Variants in DNAH11 observed in about 807,000 individuals in gnomAD.
The protein encoded by DNAH11 is axonemal beta dynein heavy chain 11.
Under a neutral mutation model 526.0 loss-of-function variants are expected in DNAH11, and 442 were observed. The ratio of observed to expected loss-of-function variants is 0.84; its 90% confidence interval spans 0.78 to 0.91. DNAH11 has a LOEUF of 0.91. Ranked by LOEUF, DNAH11 falls within the 40% of genes least tolerant of loss-of-function variation. The pLI, the probability that DNAH11 is intolerant of heterozygous loss-of-function variation, is 0.00. For synonymous variants in DNAH11, 2,461 were observed against 1,935.9 expected (o/e 1.27, Z -7.12); for missense variants, 6,989 against 5,448.7 (o/e 1.28, Z -8.90).
At chr7:21,795,717 C>T (rs764517777) in intron 61 of DNAH11, among the ~76,000 whole-genome samples, 2 of 152,230 alleles carry the variant, frequency 1.3e-5, no homozygotes, top group African/African-American at 4.8e-5. Flanking sequence ...ACAGAAGGCT[C>T]AGTCCCTGCC....
At position 21,638,790 on chromosome 7, in the gene DNAH11, A is replaced by T. The variant is rs1786986361; in HGVS notation, c.4818-149A>T. The stretch of plus-strand genomic sequence containing the variant: ...TGTATATTAGTCATAAGCAAGATAG[A>T]TGATGGTGTAAAAAAGAAGGAAGTA... On this transcript the variant is annotated intron_variant, in intron 27 of 81. Coordinates refer to ENST00000409508, the MANE Select transcript of DNAH11 (RefSeq NM_001277115.2). The T allele has an allele frequency of 4.7e-6, 4 of 859,718 alleles. No individual in the cohort carries two copies. In the Admixed American group the frequency reaches 9.9e-5, roughly 21 times the overall value. The allele number at this position is 859,718 out of a possible 1,614,324, so 53.3% of individuals were successfully genotyped here.
intron 66 of DNAH11, among the ~76,000 whole-genome samples, chr7:21,852,118 T>C (rs1453482035): frequency 6.6e-6 from 1 of 152,088 alleles, no homozygotes; most frequent in Non-Finnish European, 1.5e-5. Context: ...TAAAAACATT[T>C]ACTTGTCCAG....
intron 30 of DNAH11, among the ~76,000 whole-genome samples, chr7:21,678,386 C>A (rs1229808310): frequency 6.6e-6 from 1 of 151,988 alleles, no homozygotes; most frequent in Non-Finnish European, 1.5e-5. Flanking sequence ...TATTTTTTAA[C>A]TCTCTATTCT....
chr7:21,789,876 C>CTCTCTCCTTCCTTCCT, intron 61 of DNAH11, among the ~76,000 whole-genome samples: 2 of 129,316 alleles, frequency 1.5e-5, no homozygotes, highest in African/African-American at 6.2e-5. Context: ...CCTTTTCTTT[C>CTCTCTCCTTCCTTCCT]TTTCTTTCTT....
In DNAH11 at chr7:21,748,720, G is replaced by C; in HGVS notation, c.8651G>C (p.Gly2884Ala). ...GTCTTTCAGATCACTCTGACCGAGG[G>C]CTATGGAATCCAGGAACTTCGGGTG... ...LEVFQITLTE[G>A]YGIQELRVDL... The change falls in exon 52 of 82, where the codon GGC (glycine) becomes GCC (alanine). Residue 2884 changes from glycine (G) to alanine (A), a missense_variant. By Grantham distance (60) the Gly-to-Ala change is moderately conservative (BLOSUM62 0). Coordinates refer to ENST00000409508, the MANE Select transcript of DNAH11 (RefSeq NM_001277115.2). 5 of 1,613,344 alleles carry C rather than the reference G, an allele frequency of 3.1e-6. No individual in the cohort carries two copies. Among genetic ancestry groups the C allele is most frequent in the Non-Finnish European group, 4.2e-6 (5 of 1,179,528 alleles).
chr7:21,664,945 A>G (rs1228601165), intron 30 of DNAH11, among the ~76,000 whole-genome samples: 2 of 151,872 alleles, frequency 1.3e-5, no homozygotes, highest in Non-Finnish European at 2.9e-5. Context: ...GGCAATTTAA[A>G]CCTCAGCTCC....
intron 68 of DNAH11, among the ~76,000 whole-genome samples, chr7:21,858,806 T>G (rs1289724856): frequency 3.3e-5 from 5 of 152,198 alleles, no homozygotes; most frequent in African/African-American, 4.8e-5. Context: ...CTACGGTTAT[T>G]GTTAGAATAT....
In DNAH11 at chr7:21,588,067, T is replaced by G; in HGVS notation, c.1714T>G (p.Leu572Val). The part of the protein sequence containing the change: ...CNGLEAAFKL[L>V]TIFGNFLEKP... ...GCCTTCACTTTGATTTTTATAGCTTTTGACCATATTTGGAAATTTTCTAGA... is the reference window on the plus strand; with the variant it reads ...GCCTTCACTTTGATTTTTATAGCTTGTGACCATATTTGGAAATTTTCTAGA... Residue 572 changes from leucine to valine, a missense_variant, in exon 10 of 82, where the codon TTG becomes GTG. Leu to Val is a conservative substitution (Grantham distance 32). Transcript: ENST00000409508. 1 of 1,613,102 alleles carries G rather than the reference T, an allele frequency of 6.2e-7. No homozygotes were observed. The highest frequency in any genetic ancestry group is 8.5e-7 in the Non-Finnish European group (1 of 1,179,586).
chr7:21,702,870 G>T (rs1784122800), intron 37 of DNAH11, 68 bp downstream of exon 37: 1 of 1,371,536 alleles, frequency 7.3e-7, no homozygotes, highest in Non-Finnish European at 1.0e-6. Flanking sequence ...GAAAGTATAT[G>T]CCTGGATGGT....
chr7:21,758,002 C>G (rs909517747), intron 54 of DNAH11, among the ~76,000 whole-genome samples: 1 of 152,240 alleles, frequency 6.6e-6, no homozygotes, highest in Admixed American at 6.5e-5. Flanking sequence ...TGGCTTCTTT[C>G]TCTTATGCAG....
At chr7:21,803,784 G>A (rs1360309538) in intron 62 of DNAH11, among the ~76,000 whole-genome samples, 1 of 150,806 alleles carries the variant, frequency 6.6e-6, no homozygotes, top group Non-Finnish European at 1.5e-5. Context: ...TGGGGAATGG[G>A]GCTGTCATCA....
intron 18 of DNAH11, among the ~76,000 whole-genome samples, 157 bp from the exon 19 acceptor site, chr7:21,606,269 G>A (rs747252715): frequency 3.3e-5 from 5 of 151,952 alleles, no homozygotes; most frequent in Non-Finnish European, 5.9e-5. Flanking sequence ...GTTTCAGTGA[G>A]CTGAGATCAT....
intron 35 of DNAH11, among the ~76,000 whole-genome samples, chr7:21,692,345 C>T (rs992998550): frequency 6.6e-6 from 1 of 152,128 alleles, no homozygotes; most frequent in South Asian, 2.1e-4. Flanking sequence ...TTGAAGTGAG[C>T]CTCCCATACC....
chr7:21,839,001 G>GTTAC (rs1201894310), intron 65 of DNAH11, among the ~76,000 whole-genome samples: 1 of 152,138 alleles, frequency 6.6e-6, no homozygotes, highest in Non-Finnish European at 1.5e-5. Context: ...ACCAACACTT[G>GTTAC]TTACTGTCTT....
chr7:21,683,290 A>G, intron 31 of DNAH11, among the ~76,000 whole-genome samples: 1 of 152,218 alleles, frequency 6.6e-6, no homozygotes, highest in East Asian at 1.9e-4. Flanking sequence ...TAGATGGGAA[A>G]GAACAGCAAT....
chr7:21,602,568 TG>T (rs1785136167), intron 18 of DNAH11, among the ~76,000 whole-genome samples: 1 of 29,384 alleles, frequency 3.4e-5, no homozygotes, highest in Non-Finnish European at 1.1e-4. Flanking sequence ...TGTGTGTGTG[TG>T]TGTGTGTGTG....
At chr7:21,638,731 T>TGTGTGTGC (rs1227826627) in intron 27 of DNAH11, among the ~76,000 whole-genome samples, 4 of 148,976 alleles carry the variant, frequency 2.7e-5, no homozygotes, top group Admixed American at 6.7e-5. Flanking sequence ...TGTGTGTGTG[T>TGTGTGTGC]GTATTTGGCA....
In DNAH11 at chr7:21,601,499, C is replaced by T. The variant is rs750181929; in HGVS notation, c.3529C>T (p.Leu1177=). ...TTTAGTTGACATCATGGTGCATCTT[C>T]TGGCTGTAAGAAGCCGACAGAGAGC... ...DGLVDIMVHL[L]AVRSRQRATD... Residue 1177 remains leucine, a synonymous_variant, in exon 18 of 82, where the codon CTG becomes TTG. Coordinates refer to ENST00000409508, the MANE Select transcript of DNAH11 (RefSeq NM_001277115.2). 4.3e-6 allele frequency: 7 copies of T among 1,613,782 alleles called. No homozygotes were observed. Among genetic ancestry groups the T allele is most frequent in the Non-Finnish European group, 5.9e-6 (7 of 1,179,802 alleles).
At chr7:21,605,703 A>G (rs1376376125) in intron 18 of DNAH11, among the ~76,000 whole-genome samples, 1 of 152,204 alleles carries the variant, frequency 6.6e-6, no homozygotes, top group Non-Finnish European at 1.5e-5. Context: ...AGCATTTTCA[A>G]AGCATCTTTT....
Sources: gnomAD v4.1 joint callset for allele counts (sites outside exome capture counted in the v4.1 genomes callset) on GRCh38, gnomAD v4.1.1 for gene constraint, MANE v1.5 for transcripts, NCBI Gene and HGNC (gene_info 2026-07-23, HGNC 2026-07-21) for gene names.